Variants in ZSCAN5A observed in about 807,000 individuals in gnomAD.
The protein encoded by ZSCAN5A is zinc finger and SCAN domain-containing protein 5A.
Under a neutral mutation model 23.7 loss-of-function variants are expected in ZSCAN5A, and 12 were observed. That is an observed-to-expected ratio of 0.51 (90% CI 0.32 to 0.82). The LOEUF (loss-of-function observed/expected upper bound fraction) is 0.82. Ranked by LOEUF, ZSCAN5A falls within the 40% of genes least tolerant of loss-of-function variation. The pLI is 0.03. For missense variants in ZSCAN5A, 597 were observed against 617.9 expected, an observed-to-expected ratio of 0.97 and a Z score of 0.36; for synonymous variants, 257 against 239.9, an observed-to-expected ratio of 1.07 and a Z score of -0.66.
At chr19:56,289,092 C>T (rs1331708292) in intron 2 of ZSCAN5A, among the ~76,000 whole-genome samples, 6 of 152,158 alleles carry the variant, frequency 3.9e-5, no homozygotes, top group African/African-American at 1.2e-4. Flanking sequence ...CTAACAACCA[C>T]CTCTGCAAGG....
At chr19:56,305,997 C>A (rs1383699719) in intron 2 of ZSCAN5A, among the ~76,000 whole-genome samples, 1 of 151,760 alleles carries the variant, frequency 6.6e-6, no homozygotes, top group Non-Finnish European at 1.5e-5. Context: ...AGTGGGAGGG[C>A]ACTATGGGAG....
intron 2 of ZSCAN5A, among the ~76,000 whole-genome samples, chr19:56,353,728 A>G (rs112784589): frequency 0.065 from 9,951 of 152,050 alleles, 357 homozygotes; most frequent in Middle Eastern, 0.13. Context: ...CTTGCAGTGA[A>G]CCGAGATCGT....
chr19:56,355,890 C>G (rs2041697974), intron 2 of ZSCAN5A, among the ~76,000 whole-genome samples: 1 of 148,450 alleles, frequency 6.7e-6, no homozygotes, highest in Admixed American at 6.7e-5. Flanking sequence ...CAAGTCACAA[C>G]CTAAAGAAAT....
At chr19:56,325,815 G>T (rs562234221) in intron 2 of ZSCAN5A, among the ~76,000 whole-genome samples, 1 of 152,214 alleles carries the variant, frequency 6.6e-6, no homozygotes, top group South Asian at 2.1e-4. Context: ...TTAGAGTGTG[G>T]TGTTAAAGAA....
At chr19:56,276,915 T>A (rs1050449915) in intron 2 of ZSCAN5A, among the ~76,000 whole-genome samples, 1 of 151,974 alleles carries the variant, frequency 6.6e-6, no homozygotes, top group Non-Finnish European at 1.5e-5. Context: ...TTACAAATAT[T>A]ATAAATATTT....
In ZSCAN5A at chr19:56,224,964, G is replaced by A; in HGVS notation, c.83C>T (p.Ser28Phe). 1.2e-6 allele frequency: 2 copies of A among 1,614,158 alleles called. No homozygotes were observed. The highest frequency in any genetic ancestry group is 1.7e-6 in the Non-Finnish European group (2 of 1,180,028). The change falls in exon 3 of 6, where the codon TCC becomes TTC. Residue 28 changes from serine (S) to phenylalanine (F), a missense_variant. By Grantham distance (155) the Ser-to-Phe change is radical. This residue lies in a region of ZSCAN5A where 72 missense variants were observed against 76.8 expected (regional missense o/e 0.94). Transcript: ENST00000683990. ...PGLELPRSMASSETQLGNHDV... is the reference protein window; with the variant it reads ...PGLELPRSMAFSETQLGNHDV... ...GTGATTTCCAAGTTGAGTTTCTGAG[G>A]ATGCCATAGACCGTGGCAGCTCCAA...
intron 2 of ZSCAN5A, among the ~76,000 whole-genome samples, chr19:56,262,768 C>A (rs1373018064): frequency 6.6e-6 from 1 of 152,158 alleles, no homozygotes. Flanking sequence ...TAAAAGTCAT[C>A]CATGTGGTTG....
At chr19:56,254,537 C>G (rs1303550719) in intron 2 of ZSCAN5A, among the ~76,000 whole-genome samples, 3 of 152,122 alleles carry the variant, frequency 2.0e-5, no homozygotes, top group Admixed American at 2.0e-4. Context: ...TACTTCTGAG[C>G]TATTGTGAAT....
At chr19:56,345,173 ATAATTTTAAAGCTAG>A (rs1568761782) in intron 2 of ZSCAN5A, among the ~76,000 whole-genome samples, 3 of 152,158 alleles carry the variant, frequency 2.0e-5, no homozygotes, top group African/African-American at 7.2e-5. Flanking sequence ...TACTTTAATA[ATAATTTTAAAGCTAG>A]CTTGTTTATT....
At chr19:56,295,729 CCT>C (rs1300873281) in intron 2 of ZSCAN5A, 1 of 152,488 alleles carries the variant, frequency 6.6e-6, no homozygotes, top group Non-Finnish European at 1.5e-5. Context: ...CACGAAGCAG[CCT>C]CTGACTGTTC....
At chr19:56,303,729 G>A (rs2040496310) in intron 2 of ZSCAN5A, among the ~76,000 whole-genome samples, 1 of 152,264 alleles carries the variant, frequency 6.6e-6, no homozygotes, top group Non-Finnish European at 1.5e-5. Flanking sequence ...AGAGAAACAA[G>A]CAGCCAGCTC....
At chr19:56,289,804 G>A (rs2039392564) in intron 2 of ZSCAN5A, among the ~76,000 whole-genome samples, 1 of 152,212 alleles carries the variant, frequency 6.6e-6, no homozygotes, top group South Asian at 2.1e-4. Context: ...TGTAGAGACA[G>A]GGTCTCACCA....
upstream of ZSCAN5A, chr19:56,315,187 A>C (rs1233524289): frequency 6.6e-6 from 1 of 152,328 alleles, no homozygotes; most frequent in Non-Finnish European, 1.5e-5. Context: ...AAGTCTGGGA[A>C]TAAGGCGGGA....
At position 56,352,228 on chromosome 19, in the gene ZSCAN5A, A is replaced by T. The variant is rs947705453; in HGVS notation, c.-358+11007T>A. 6.6e-6 allele frequency among the ~76,000 whole-genome samples: 1 copy of T among 152,124 alleles called. No individual in the cohort carries two copies. Among genetic ancestry groups the T allele is most frequent in the Admixed American group, 6.5e-5 (1 of 15,274 alleles). The stretch of plus-strand genomic sequence containing the variant: ...GCCATTCTCCTGCCTCAGCCTCCCA[A>T]GTAGCTGGGACTACAGGCGCCGATA... On this transcript the variant is annotated intron_variant, in intron 2 of 6. Transcript: ENST00000587340. This position sits in a 1 kb window ranked among gnomAD's most constrained non-coding sequence, Gnocchi z 4.2.
chr19:56,293,606 CT>C (rs2039664347), intron 2 of ZSCAN5A, among the ~76,000 whole-genome samples: 1 of 152,196 alleles, frequency 6.6e-6, no homozygotes, highest in East Asian at 1.9e-4. Flanking sequence ...GCTCAGGCCC[CT>C]GGTCGGTACA....
intron 2 of ZSCAN5A, among the ~76,000 whole-genome samples, chr19:56,301,523 T>C (rs143121988): frequency 7.2e-5 from 11 of 152,324 alleles, no homozygotes; most frequent in Non-Finnish European, 1.3e-4. Context: ...TACCGCAACC[T>C]GTTTTATCAG....
At chr19:56,323,371 A>G (rs902142667) in intron 2 of ZSCAN5A, among the ~76,000 whole-genome samples, 2 of 151,732 alleles carry the variant, frequency 1.3e-5, no homozygotes, top group Non-Finnish European at 2.9e-5. Flanking sequence ...ACAAGGTCTC[A>G]CCATGTTGCC....
intron 2 of ZSCAN5A, among the ~76,000 whole-genome samples, chr19:56,305,995 G>A (rs1235355598): frequency 6.6e-6 from 1 of 151,818 alleles, no homozygotes; most frequent in South Asian, 2.1e-4. Context: ...GGAGTGGGAG[G>A]GCACTATGGG....
At chr19:56,285,537 T>C (rs906950994) in intron 2 of ZSCAN5A, among the ~76,000 whole-genome samples, 3 of 151,348 alleles carry the variant, frequency 2.0e-5, no homozygotes, top group Non-Finnish European at 4.4e-5. Context: ...GTACATTTAG[T>C]TTTTTTTCTA....
Sources: gnomAD v4.1 joint callset for allele counts (sites outside exome capture counted in the v4.1 genomes callset) on GRCh38, gnomAD v4.1.1 for gene constraint, gnomAD v4.1.1 regional missense constraint, Gnocchi (gnomAD v3.1) non-coding constraint, MANE v1.5 for transcripts, NCBI Gene and HGNC (gene_info 2026-07-23, HGNC 2026-07-21) for gene names.